TEX261: variants seen among roughly 807,000 people sequenced by gnomAD.
The protein encoded by TEX261 is protein TEX261.
Under a neutral mutation model 25.1 loss-of-function variants are expected in TEX261, and 13 were observed. The observed-to-expected ratio is 0.52, with a 90% CI of 0.34 to 0.82. TEX261 has a LOEUF of 0.82. Ranked by LOEUF, TEX261 falls within the 40% of genes least tolerant of loss-of-function variation. The pLI is 0.02. For missense variants in TEX261, 206 were observed against 243.2 expected (o/e 0.85, Z 1.02); for synonymous variants, 92 against 97.8 (o/e 0.94, Z 0.35).
In TEX261 at chr2:70,988,586, T is replaced by C; in HGVS notation, c.*14A>G. On this transcript the variant is annotated 3_prime_UTR_variant, in exon 6 of 6. Transcript: ENST00000272438. ...TCTCCTGATCTTGCCCCCCACATCCTGCCTGCATGGGGGTCAGTATATCTT... is the reference window on the plus strand; with the variant it reads ...TCTCCTGATCTTGCCCCCCACATCCCGCCTGCATGGGGGTCAGTATATCTT... The C allele has an allele frequency of 6.3e-7, 1 of 1,594,852 alleles. No individual in the cohort carries two copies. The highest frequency in any genetic ancestry group is 1.1e-5 in the South Asian group (1 of 90,700).
intron 1 of TEX261, 100 bp from the exon 2 acceptor site, chr2:70,993,875 C>T: frequency 2.2e-6 from 2 of 915,446 alleles, no homozygotes; most frequent in Admixed American, 1.8e-5. Flanking sequence ...CTTCATGGAC[C>T]CCAGAAGGTC....
At chr2:70,991,464 A>G (rs1230527345) in intron 3 of TEX261, among the ~76,000 whole-genome samples, 4 of 152,374 alleles carry the variant, frequency 2.6e-5, no homozygotes, top group Non-Finnish European at 5.9e-5. Context: ...CTGGACGGAC[A>G]GCTGCCTGCC....
intron 1 of TEX261, 125 bp downstream of exon 1, chr2:70,994,563 G>A: frequency 2.2e-6 from 3 of 1,386,300 alleles, no homozygotes; most frequent in Admixed American, 4.2e-5. Flanking sequence ...AGGGGTTGGG[G>A]CGGCGAAGGC....
Position 70,987,351 on chromosome 2 carries a change from T to A in TEX261, c.*1249A>T, listed in dbSNP as rs1169466282. The A allele has an allele frequency of 9.2e-5, 14 of 152,362 alleles. No homozygotes were observed. Among genetic ancestry groups the A allele is most frequent in the African/African-American group, 3.1e-4 (13 of 41,412 alleles). 9.4% of individuals were successfully genotyped at this position (152,362 alleles called of 1,614,324 possible). A position where few individuals can be genotyped will look rare whatever the true frequency, so the allele number is the denominator to read the frequency against. Reference sequence around the variant, plus strand: ...GGCTATGATGGAACTCCAGGCATGATATAGAGGAAATATTTTCAAGCACAG... The same window carrying A: ...GGCTATGATGGAACTCCAGGCATGAAATAGAGGAAATATTTTCAAGCACAG... On this transcript the variant is annotated 3_prime_UTR_variant, in exon 6 of 6. Coordinates refer to ENST00000272438, the MANE Select transcript of TEX261 (RefSeq NM_144582.3).
chr2:70,988,326 T>G lies in TEX261; in HGVS notation c.*274A>C. ...GGGGCCAGAACCTCCTGACCCACCT[T>G]GGAAGGGACAGGGGAGGACTGAGGG... On this transcript the variant is annotated 3_prime_UTR_variant, in exon 6 of 6. Transcript: ENST00000272438. 3 of 409,948 alleles carry G rather than the reference T, an allele frequency of 7.3e-6. No individual in the cohort carries two copies. Among genetic ancestry groups the G allele is most frequent in the South Asian group, 2.8e-5 (1 of 35,918 alleles). The allele number at this position is 409,948 out of a possible 1,614,324, so 25.4% of individuals were successfully genotyped here. A position where few individuals can be genotyped will look rare whatever the true frequency, so the allele number is the denominator to read the frequency against.
chr2:70,991,791 A>AACC (rs1553425645), intron 3 of TEX261, 39 bp downstream of exon 3: 1 of 1,605,776 alleles, frequency 6.2e-7, no homozygotes, highest in Non-Finnish European at 8.5e-7. Flanking sequence ...GGGCACACCC[A>AACC]ACCACATCAG....
At chr2:70,993,610 A>G in intron 2 of TEX261, 86 bp downstream of exon 2, 1 of 1,086,910 alleles carries the variant, frequency 9.2e-7, no homozygotes, top group Admixed American at 1.7e-5. Flanking sequence ...CACAGGCCTC[A>G]TCATCCATGC....
intron 4 of TEX261, 118 bp downstream of exon 4, chr2:70,989,631 A>G: frequency 1.3e-6 from 1 of 764,518 alleles, no homozygotes; most frequent in South Asian, 1.7e-5. Context: ...TTTTTCAAAC[A>G]TGTAATCCTT....
chr2:70,993,870 T>C (rs1318810742), intron 1 of TEX261, 95 bp from the exon 2 acceptor site: 4 of 955,914 alleles, frequency 4.2e-6, no homozygotes, highest in East Asian at 2.4e-5. Context: ...CCACCCTTCA[T>C]GGACCCCAGA....
rs1553424892 is a variant in TEX261 at position 70,986,145 on chromosome 2, T to C, written c.*2455A>G. On this transcript the variant is annotated 3_prime_UTR_variant, in exon 6 of 6. Coordinates refer to ENST00000272438, the MANE Select transcript of TEX261 (RefSeq NM_144582.3). ...CGGGAGGAGAGAGTATAGCCAAAGC[T>C]CCTTGGAGGAAGTCAAGTCTAAGTT... The C allele has an allele frequency of 6.6e-6, 1 of 152,340 alleles. No individual in the cohort carries two copies. The highest frequency in any genetic ancestry group is 2.4e-5 in the African/African-American group (1 of 41,384). The allele number at this position is 152,340 out of a possible 1,614,324, so 9.4% of individuals were successfully genotyped here.
Position 70,991,972 on chromosome 2 carries a change from A to C in TEX261, c.162T>G (p.Ala54=). ...IIKYMIWFST[A]VLIGLYVFER... is the part of the protein sequence containing the mutation. ...CAAAGACGTAGAGGCCAATCAGTACAGCGGTGGAGAACTGAAACAACCAGA... is the reference window on the plus strand; with the variant it reads ...CAAAGACGTAGAGGCCAATCAGTACCGCGGTGGAGAACTGAAACAACCAGA... Residue 54 remains alanine (A), a synonymous_variant, in exon 3 of 6, where the codon GCT becomes GCG. Transcript: ENST00000272438. The C allele has an allele frequency of 6.2e-7, 1 of 1,600,740 alleles. No homozygotes were observed. Among genetic ancestry groups the C allele is most frequent in the South Asian group, 1.1e-5 (1 of 89,052 alleles).
chr2:70,988,633 C>A lies in TEX261; in HGVS notation c.558G>T (p.Glu186Asp). 6.2e-7 allele frequency: 1 copy of A among 1,614,194 alleles called. No individual in the cohort carries two copies. Among genetic ancestry groups the A allele is most frequent in the Non-Finnish European group, 8.5e-7 (1 of 1,180,046 alleles). ...TCTTCTGACGACTGGGTAGAATGGC[C>A]TCTTTGATGAAGGAGAAGACAACCA... ...GILVVFSFIK[E>D]AILPSRQKIY is the part of the protein sequence containing the mutation. Residue 186 changes from glutamate (E) to aspartate (D), a missense_variant, in exon 6 of 6, where the codon GAG becomes GAT. By Grantham distance (45) the Glu-to-Asp change is conservative (BLOSUM62 2). Coordinates refer to ENST00000272438, the MANE Select transcript of TEX261 (RefSeq NM_144582.3).
Position 70,994,825 on chromosome 2 carries a change from A to T in TEX261, c.-68T>A, listed in dbSNP as rs1340608579. 7.6e-7 allele frequency: 1 copy of T among 1,309,866 alleles called. No homozygotes were observed. The allele number at this position is 1,309,866 out of a possible 1,614,324, so 81.1% of individuals were successfully genotyped here. On this transcript the variant is annotated 5_prime_UTR_variant, in exon 1 of 6. Transcript: ENST00000272438. ...GCGCGCTTCGGCTCCGGCGACACAC[A>T]GCCGCCACCGCCGCCGCCGCCGCCG...
At position 70,994,796 on chromosome 2, in the gene TEX261, G is replaced by T. The variant is rs782415794; in HGVS notation, c.-39C>A. 1 of 1,506,972 alleles carries T rather than the reference G, an allele frequency of 6.6e-7. No individual in the cohort carries two copies. The allele number at this position is 1,506,972 out of a possible 1,614,324, so 93.4% of individuals were successfully genotyped here. On this transcript the variant is annotated 5_prime_UTR_variant, in exon 1 of 6. Transcript: ENST00000272438. Reference sequence around the variant, plus strand: ...GCCCGCTCCCCGGCCACCGGGACGGGCCTGCGCGCTTCGGCTCCGGCGACA... The same window carrying T: ...GCCCGCTCCCCGGCCACCGGGACGGTCCTGCGCGCTTCGGCTCCGGCGACA...
In TEX261 at chr2:70,986,481, G is replaced by C. The variant is rs532150396; in HGVS notation, c.*2119C>G. On this transcript the variant is annotated 3_prime_UTR_variant, in exon 6 of 6. Transcript: ENST00000272438. ...CCACATGATAGAGAAGCAGTAGGAG[G>C]CTGTCACGATAATCCAGGTGAAAGC... 2.0e-5 allele frequency: 3 copies of C among 152,864 alleles called. No individual in the cohort carries two copies. The highest frequency in any genetic ancestry group is 7.2e-5 in the African/African-American group (3 of 41,590). 9.5% of individuals were successfully genotyped at this position (152,864 alleles called of 1,614,324 possible).
intron 2 of TEX261, among the ~76,000 whole-genome samples, chr2:70,992,231 C>A (rs1175022223): frequency 2.0e-5 from 3 of 150,632 alleles, no homozygotes; most frequent in African/African-American, 7.3e-5. Flanking sequence ...TCAAGCAATT[C>A]TCTTGCCTCA....
At chr2:70,991,565 C>T (rs1670299425) in intron 3 of TEX261, among the ~76,000 whole-genome samples, 1 of 152,232 alleles carries the variant, frequency 6.6e-6, no homozygotes, top group South Asian at 2.1e-4. Context: ...CAATCCACAA[C>T]CTCTTCTTTC....
In TEX261 at chr2:70,991,964, A is replaced by C. The variant is rs782678957; in HGVS notation, c.170T>G (p.Ile57Ser). The change falls in exon 3 of 6, where the codon ATT (isoleucine) becomes AGT (serine). Residue 57 changes from isoleucine (I) to serine (S), a missense_variant. Physicochemically the swap from Ile to Ser is moderately radical, Grantham distance 142. Transcript: ENST00000272438. ...YMIWFSTAVL[I>S]GLYVFERFPT... The stretch of plus-strand genomic sequence containing the variant: ...GAAGCGCTCAAAGACGTAGAGGCCA[A>C]TCAGTACAGCGGTGGAGAACTGAAA... The C allele has an allele frequency of 1.6e-5, 25 of 1,609,804 alleles. No homozygotes were observed. Among genetic ancestry groups the C allele is most frequent in the Non-Finnish European group, 2.0e-5 (24 of 1,177,598 alleles).
At chr2:70,994,431 G>C in intron 1 of TEX261, 2 of 548,612 alleles carry the variant, frequency 3.6e-6, no homozygotes, top group South Asian at 2.1e-5. Flanking sequence ...GTCCGCAGAC[G>C]CGGGGGCGGC....
Sources: gnomAD v4.1 joint callset for allele counts (sites outside exome capture counted in the v4.1 genomes callset) on GRCh38, gnomAD v4.1.1 for gene constraint, MANE v1.5 for transcripts, NCBI Gene and HGNC (gene_info 2026-07-23, HGNC 2026-07-21) for gene names.